Variants in UGT1A3 observed in about 807,000 individuals in gnomAD.
The protein encoded by UGT1A3 is UDP-glucuronosyltransferase 1A3.
A neutral mutation model predicts 41.0 loss-of-function variants in UGT1A3; 31 were observed. That is an observed-to-expected ratio of 0.76 (90% confidence interval 0.57 to 1.02). The LOEUF (loss-of-function observed/expected upper bound fraction) is 1.02. Among genes scored for constraint, UGT1A3 ranks in the 50% least tolerant of loss-of-function variants. The pLI is 0.00. For synonymous variants in UGT1A3, 262 were observed against 257.6 expected, an observed-to-expected ratio of 1.02 and a Z score of -0.17; for missense variants, 737 against 671.0, an observed-to-expected ratio of 1.10 and a Z score of -1.09.
chr2:233,732,435 G>T (rs1198831061), intron 1 of UGT1A3, among the ~76,000 whole-genome samples: 2 of 152,234 alleles, frequency 1.3e-5, no homozygotes, highest in Admixed American at 6.5e-5. Flanking sequence ...GGATTTTTAT[G>T]GTTTTAGGTC....
intron 1 of UGT1A3, among the ~76,000 whole-genome samples, chr2:233,735,255 T>C (rs1489550965): frequency 6.6e-6 from 1 of 152,240 alleles, no homozygotes; most frequent in Non-Finnish European, 1.5e-5. Flanking sequence ...ATTGCTCCCT[T>C]TACCATTATG....
At chr2:233,730,558 T>A (rs898063469) in intron 1 of UGT1A3, among the ~76,000 whole-genome samples, 1 of 152,142 alleles carries the variant, frequency 6.6e-6, no homozygotes, top group African/African-American at 2.4e-5. Context: ...GATTAGAGAA[T>A]GACACACGAA....
chr2:233,755,084 G>T (rs779610585), intron 1 of UGT1A3: 29 of 1,335,184 alleles, frequency 2.2e-5, no homozygotes, highest in Non-Finnish European at 2.9e-5. Context: ...CATAGATATC[G>T]CGTTTCTACG....
chr2:233,744,469 A>G (rs965200544), intron 1 of UGT1A3, among the ~76,000 whole-genome samples: 1 of 151,962 alleles, frequency 6.6e-6, no homozygotes, highest in African/African-American at 2.4e-5. Flanking sequence ...AGAATTAAAA[A>G]GACATATTAA....
At chr2:233,731,044 G>A (rs190874066) in intron 1 of UGT1A3, among the ~76,000 whole-genome samples, 22 of 152,218 alleles carry the variant, frequency 1.4e-4, no homozygotes, top group African/African-American at 3.4e-4. Context: ...CATATTCACC[G>A]AATGTGTATG....
intron 1 of UGT1A3, chr2:233,760,242 A>C: frequency 6.2e-7 from 1 of 1,607,672 alleles, no homozygotes; most frequent in Non-Finnish European, 8.5e-7. Context: ...CCATATATAT[A>C]TATATAAGTA....
rs981811501 is a variant in UGT1A3 at position 233,745,071 on chromosome 2, G to T, written c.867+15078G>T. Reference sequence around the variant, plus strand: ...GTTTTTTATTTGTATTATTTGTATTGTTTTTTCATTGCTCTTCCCCCCAAA... The same window carrying T: ...GTTTTTTATTTGTATTATTTGTATTTTTTTTTCATTGCTCTTCCCCCCAAA... On this transcript the variant is annotated intron_variant, in intron 1 of 4. Transcript: ENST00000482026. Among the ~76,000 whole-genome samples the T allele has an allele frequency of 7.2e-5, 11 of 151,894 alleles. No individual in the cohort carries two copies. In the East Asian group the frequency reaches 9.6e-4, roughly 13 times the overall value.
At chr2:233,743,677 G>A (rs1026564745) in intron 1 of UGT1A3, 2 of 1,367,100 alleles carry the variant, frequency 1.5e-6, no homozygotes, top group African/African-American at 1.5e-5. Flanking sequence ...CGAAGGGCCT[G>A]CCGCCTGTGC....
intron 1 of UGT1A3, among the ~76,000 whole-genome samples, chr2:233,759,764 A>G (rs1348961231): frequency 6.6e-6 from 1 of 152,112 alleles, no homozygotes; most frequent in Non-Finnish European, 1.5e-5. Context: ...GACTCAATAA[A>G]TATTGTTGGA....
chr2:233,773,279 T>G lies in UGT1A3; in HGVS notation c.*720T>G, dbSNP rs1468042895. 1 of 152,208 alleles carries G rather than the reference T, an allele frequency of 6.6e-6. No homozygotes were observed. Among genetic ancestry groups the G allele is most frequent in the African/African-American group, 2.4e-5 (1 of 41,464 alleles). 9.4% of individuals were successfully genotyped at this position (152,208 alleles called of 1,614,324 possible). On this transcript the variant is annotated 3_prime_UTR_variant, in exon 5 of 5. Transcript: ENST00000482026. ...ATGTTTCCTACAACTAAAAATAAATTAATAAATTTATATAAATTCTATTTA... is the reference window on the plus strand; with the variant it reads ...ATGTTTCCTACAACTAAAAATAAATGAATAAATTTATATAAATTCTATTTA...
At chr2:233,762,404 G>A (rs1193458401) in intron 1 of UGT1A3, among the ~76,000 whole-genome samples, 1 of 152,070 alleles carries the variant, frequency 6.6e-6, no homozygotes, top group Non-Finnish European at 1.5e-5. Flanking sequence ...AAATTTTTTG[G>A]TTGCTTTTTC....
intron 1 of UGT1A3, among the ~76,000 whole-genome samples, chr2:233,731,881 A>AC (rs1345442477): frequency 6.6e-6 from 1 of 152,198 alleles, no homozygotes; most frequent in Non-Finnish European, 1.5e-5. Flanking sequence ...CAATGGTTGA[A>AC]CTAATTTACA....
At chr2:233,765,294 GAC>G (rs1698796099) in intron 1 of UGT1A3, among the ~76,000 whole-genome samples, 1 of 152,132 alleles carries the variant, frequency 6.6e-6, no homozygotes, top group Non-Finnish European at 1.5e-5. Flanking sequence ...CTACTATAAA[GAC>G]ACATGCACAT....
rs112908387 is a variant in UGT1A3, at chr2:233,772,904, C to T, written c.*345C>T. On this transcript the variant is annotated 3_prime_UTR_variant, in exon 5 of 5. Transcript: ENST00000482026. ...GATTCAAAGGTGGTCCCACGGCTGCCCCTACTGCAAATGGCAGTTTTAATC... is the reference window on the plus strand; with the variant it reads ...GATTCAAAGGTGGTCCCACGGCTGCTCCTACTGCAAATGGCAGTTTTAATC... 5 of 414,970 alleles carry T rather than the reference C, an allele frequency of 1.2e-5. No individual in the cohort carries two copies. The highest frequency in any genetic ancestry group is 6.1e-5 in the African/African-American group (3 of 48,900). 25.7% of individuals were successfully genotyped at this position (414,970 alleles called of 1,614,324 possible).
chr2:233,766,548 C>T (rs547504981), intron 1 of UGT1A3, among the ~76,000 whole-genome samples: 152 of 152,318 alleles, frequency 1.0e-3, no homozygotes, highest in African/African-American at 3.6e-3. Flanking sequence ...AAATGCCTGT[C>T]CTCACCTAGG....
intron 1 of UGT1A3, chr2:233,756,417 G>T (rs1392251682): frequency 6.6e-6 from 1 of 151,810 alleles, no homozygotes; most frequent in Non-Finnish European, 1.5e-5. Context: ...TGTATTATTT[G>T]TACTGTTTTT....
intron 1 of UGT1A3, among the ~76,000 whole-genome samples, chr2:233,749,653 G>T (rs1694241075): frequency 1.3e-5 from 2 of 151,820 alleles, no homozygotes; most frequent in Admixed American, 6.5e-5. Context: ...ATCTTGAATT[G>T]TAATCCCCAT....
chr2:233,745,600 C>G (rs1179957536), intron 1 of UGT1A3, among the ~76,000 whole-genome samples: 2 of 151,524 alleles, frequency 1.3e-5, no homozygotes, highest in African/African-American at 4.9e-5. Context: ...GGACTTGGCA[C>G]TTGGTAAGCA....
intron 1 of UGT1A3, chr2:233,743,684 G>A (rs753997745): frequency 1.5e-6 from 2 of 1,367,252 alleles, no homozygotes; most frequent in Non-Finnish European, 2.0e-6. Context: ...CCTGCCGCCT[G>A]TGCAGCCGCC....
Sources: allele counts gnomAD v4.1 joint callset (sites outside exome capture counted in the v4.1 genomes callset), GRCh38; gene constraint gnomAD v4.1.1; transcripts MANE v1.5; gene names NCBI Gene and HGNC (gene_info 2026-07-23, HGNC 2026-07-21).